RBFOX1: variants seen among roughly 807,000 people sequenced by gnomAD.
RBFOX1 encodes the protein RNA binding protein fox-1 homolog 1.
A neutral mutation model predicts 57.7 loss-of-function variants in RBFOX1; 8 were observed. The ratio of observed to expected loss-of-function variants is 0.14; its 90% confidence interval spans 0.08 to 0.25. The LOEUF (loss-of-function observed/expected upper bound fraction) is 0.25. Ranked by LOEUF, RBFOX1 falls within the 10% of genes least tolerant of loss-of-function variation. RBFOX1 has a pLI of 1.00. For missense variants in RBFOX1, 611 were observed against 548.5 expected (o/e 1.11, Z -1.14); for synonymous variants, 326 against 222.4 (o/e 1.47, Z -4.15).
At chr16:6,482,659 G>A (rs1735861663) in intron 2 of RBFOX1, among the ~76,000 whole-genome samples, 1 of 152,180 alleles carries the variant, frequency 6.6e-6, no homozygotes, top group Non-Finnish European at 1.5e-5. Context: ...TGGAAAAAGA[G>A]TTGAGATCCT....
chr16:5,854,738 G>T (rs1268596325), intron 3 of RBFOX1, among the ~76,000 whole-genome samples: 1 of 152,078 alleles, frequency 6.6e-6, no homozygotes, highest in Non-Finnish European at 1.5e-5. Flanking sequence ...TATTTCCTTT[G>T]GATAGGTACT....
chr16:7,083,532 C>G (rs575255286), intron 4 of RBFOX1, among the ~76,000 whole-genome samples: 2 of 152,120 alleles, frequency 1.3e-5, no homozygotes, highest in African/African-American at 4.8e-5. Context: ...GTGTACACCC[C>G]TCACCGTGGA....
intron 4 of RBFOX1, among the ~76,000 whole-genome samples, chr16:7,427,251 A>C (rs1012602004): frequency 6.6e-6 from 1 of 152,172 alleles, no homozygotes; most frequent in Non-Finnish European, 1.5e-5. Flanking sequence ...GTACCCTAGA[A>C]CTTAAAGTAT....
intron 1 of RBFOX1, among the ~76,000 whole-genome samples, chr16:6,033,171 C>G (rs949065289): frequency 1.3e-5 from 2 of 152,122 alleles, no homozygotes; most frequent in African/African-American, 4.8e-5. Flanking sequence ...AAATGAGGGC[C>G]TCTATACAGG....
chr16:6,092,739 T>G (rs1455166947), intron 1 of RBFOX1: 1 of 152,240 alleles, frequency 6.6e-6, no homozygotes, highest in African/African-American at 2.4e-5. Flanking sequence ...TTCTGTTCCA[T>G]TGGTCTTTGT....
intron 2 of RBFOX1, among the ~76,000 whole-genome samples, chr16:6,558,569 A>G (rs953201447): frequency 6.6e-6 from 1 of 152,244 alleles, no homozygotes. Context: ...TTCCCTACAA[A>G]TTGACACATG....
At chr16:5,757,512 G>A (rs2053443638) in intron 3 of RBFOX1, among the ~76,000 whole-genome samples, 1 of 152,064 alleles carries the variant, frequency 6.6e-6, no homozygotes, top group Non-Finnish European at 1.5e-5. Context: ...TTACAGGCAT[G>A]AGTCACCACA....
intron 2 of RBFOX1, among the ~76,000 whole-genome samples, chr16:6,376,316 T>A (rs985531405): frequency 2.6e-5 from 4 of 151,854 alleles, no homozygotes; most frequent in African/African-American, 9.7e-5. Context: ...GTTGTTGTTG[T>A]TGTTTGCAAG....
At chr16:7,133,258 G>C (rs1253917736) in intron 4 of RBFOX1, among the ~76,000 whole-genome samples, 1 of 152,100 alleles carries the variant, frequency 6.6e-6, no homozygotes, top group Non-Finnish European at 1.5e-5. Context: ...TTTATATTTT[G>C]AACAAGATAT....
intron 3 of RBFOX1, among the ~76,000 whole-genome samples, chr16:5,824,448 C>T (rs1348189751): frequency 6.6e-6 from 1 of 152,158 alleles, no homozygotes; most frequent in Non-Finnish European, 1.5e-5. Context: ...CCATTTGTCT[C>T]AGAAAAGCCA....
intron 4 of RBFOX1, among the ~76,000 whole-genome samples, chr16:7,222,525 C>T (rs939380260): frequency 6.6e-6 from 1 of 152,188 alleles, no homozygotes; most frequent in Non-Finnish European, 1.5e-5. Flanking sequence ...CTCTTGATAA[C>T]AGGACCCAGA....
intron 4 of RBFOX1, among the ~76,000 whole-genome samples, chr16:7,439,870 C>G (rs1319226543): frequency 6.6e-6 from 1 of 151,642 alleles, no homozygotes; most frequent in Admixed American, 6.6e-5. Flanking sequence ...GTGTTCAAAG[C>G]TAATAGAAAA....
chr16:7,050,097 G>A (rs537122565), intron 3 of RBFOX1, among the ~76,000 whole-genome samples: 14 of 150,666 alleles, frequency 9.3e-5, no homozygotes, highest in African/African-American at 3.2e-4. Context: ...ACAGTTTATG[G>A]AGACATAATT....
intron 4 of RBFOX1, among the ~76,000 whole-genome samples, chr16:7,068,372 A>G (rs1303218793): frequency 2.0e-5 from 3 of 152,148 alleles, no homozygotes; most frequent in Non-Finnish European, 4.4e-5. Flanking sequence ...CATATAAAAT[A>G]TAGAAAGTCA....
chr16:6,483,924 C>A, intron 2 of RBFOX1: 2 of 1,081,928 alleles, frequency 1.8e-6, no homozygotes, highest in South Asian at 2.9e-5. Context: ...GGTATGTAAG[C>A]CGAGCTCCAG....
At chr16:7,233,689 G>T (rs879675139) in intron 4 of RBFOX1, among the ~76,000 whole-genome samples, 3 of 152,148 alleles carry the variant, frequency 2.0e-5, no homozygotes, top group Non-Finnish European at 2.9e-5. Context: ...AAAAGATGGG[G>T]GCCCCATGAA....
At chr16:6,026,913 TGTG>T (rs2095207485) in intron 1 of RBFOX1, among the ~76,000 whole-genome samples, 1 of 152,228 alleles carries the variant, frequency 6.6e-6, no homozygotes, top group South Asian at 2.1e-4. Flanking sequence ...CCACTCAAAA[TGTG>T]GTGTGCAAAC....
chr16:6,670,180 C>G (rs543154218), intron 3 of RBFOX1, among the ~76,000 whole-genome samples: 1 of 152,218 alleles, frequency 6.6e-6, no homozygotes, highest in African/African-American at 2.4e-5. Context: ...CCTCCTACAT[C>G]AGCTTCCCAA....
intron 4 of RBFOX1, among the ~76,000 whole-genome samples, chr16:7,429,176 C>G (rs933880328): frequency 4.6e-5 from 7 of 152,142 alleles, no homozygotes; most frequent in African/African-American, 1.7e-4. Flanking sequence ...ATCTTGTGAA[C>G]CAGAGCAAGT....
Sources: gnomAD v4.1 joint callset for allele counts (sites outside exome capture counted in the v4.1 genomes callset) on GRCh38, gnomAD v4.1.1 for gene constraint, MANE v1.5 for transcripts, NCBI Gene and HGNC (gene_info 2026-07-23, HGNC 2026-07-21) for gene names.